The following ARHGAP26 variants were observed in gnomAD, a reference collection of about 807,000 sequenced individuals.
ARHGAP26 encodes the protein Rho GTPase activating protein 26, also known as rho GTPase-activating protein 26.
In ARHGAP26, 38 loss-of-function variants were observed where a neutral mutation model predicts 104.8. The ratio of observed to expected loss-of-function variants is 0.36; its 90% CI spans 0.28 to 0.48. The LOEUF (loss-of-function observed/expected upper bound fraction) is 0.48, where lower values mean the gene tolerates loss of function less well. Ranked by LOEUF, ARHGAP26 falls within the 20% of genes least tolerant of loss-of-function variation. The probability of loss-of-function intolerance (pLI) is 0.99; values close to 1 mark genes in which losing one functional copy is unlikely to be tolerated. For synonymous variants in ARHGAP26, 341 were observed against 340.0 expected (o/e 1.00, Z -0.03); for missense variants, 704 against 947.9 (o/e 0.74, Z 3.38).
At chr5:142,931,478 C>T (rs1764706885) in intron 10 of ARHGAP26, among the ~76,000 whole-genome samples, 1 of 152,172 alleles carries the variant, frequency 6.6e-6, no homozygotes, top group South Asian at 2.1e-4. Context: ...TAGCACCTGA[C>T]ATGATTAAGT....
chr5:143,014,401 G>A (rs1779310818), intron 12 of ARHGAP26: 1 of 463,932 alleles, frequency 2.2e-6, no homozygotes, highest in African/African-American at 2.0e-5. Context: ...TTAATCGTAG[G>A]TCTTAAGACT....
intron 1 of ARHGAP26, among the ~76,000 whole-genome samples, chr5:142,798,479 G>A (rs2151947732): frequency 6.6e-6 from 1 of 152,326 alleles, no homozygotes; most frequent in South Asian, 2.1e-4. Flanking sequence ...GCTGGGACCA[G>A]CATCAGAGAA....
At chr5:142,882,104 A>G (rs983303996) in intron 4 of ARHGAP26, among the ~76,000 whole-genome samples, 1 of 152,220 alleles carries the variant, frequency 6.6e-6, no homozygotes, top group Non-Finnish European at 1.5e-5. Flanking sequence ...TAGAATAAGT[A>G]TAACAGACAT....
chr5:142,847,584 G>T (rs144855613), intron 1 of ARHGAP26, among the ~76,000 whole-genome samples: 1 of 152,060 alleles, frequency 6.6e-6, no homozygotes, highest in African/African-American at 2.4e-5. Flanking sequence ...CTCAAACTCC[G>T]GACCTCAGGT....
intron 1 of ARHGAP26, among the ~76,000 whole-genome samples, chr5:142,797,109 T>C (rs1761130573): frequency 6.6e-6 from 1 of 152,226 alleles, no homozygotes; most frequent in Non-Finnish European, 1.5e-5. Flanking sequence ...TGTAAGTTTT[T>C]TGAGTAGCAT....
chr5:142,902,506 C>T (rs984251295), intron 7 of ARHGAP26, among the ~76,000 whole-genome samples: 15 of 152,346 alleles, frequency 9.8e-5, no homozygotes, highest in East Asian at 5.8e-4. Flanking sequence ...AATCCAAGTC[C>T]GTGCTTCGCT....
At chr5:143,009,845 T>C (rs921886721) in intron 11 of ARHGAP26, among the ~76,000 whole-genome samples, 1 of 152,188 alleles carries the variant, frequency 6.6e-6, no homozygotes, top group Non-Finnish European at 1.5e-5. Flanking sequence ...TCAGTTGGGT[T>C]GTTGAAGGTG....
chr5:142,886,446 C>T (rs143943050), intron 5 of ARHGAP26, among the ~76,000 whole-genome samples: 279 of 152,250 alleles, frequency 1.8e-3, no homozygotes, highest in African/African-American at 6.2e-3. Flanking sequence ...GTATTTAATC[C>T]AGTTTTTAGA....
chr5:143,131,481 T>C (rs1360020777), intron 18 of ARHGAP26, among the ~76,000 whole-genome samples: 5 of 152,222 alleles, frequency 3.3e-5, no homozygotes, highest in Admixed American at 6.5e-5. Flanking sequence ...TCGCTAACTC[T>C]GAATTCATTT....
At chr5:142,813,552 G>A (rs1764535475) in intron 1 of ARHGAP26, among the ~76,000 whole-genome samples, 1 of 152,186 alleles carries the variant, frequency 6.6e-6, no homozygotes, top group Admixed American at 6.5e-5. Context: ...ACAAAACTTG[G>A]TGTTCTCATA....
At chr5:142,883,512 A>T (rs901647988) in intron 4 of ARHGAP26, among the ~76,000 whole-genome samples, 3 of 152,252 alleles carry the variant, frequency 2.0e-5, no homozygotes, top group Non-Finnish European at 4.4e-5. Flanking sequence ...GGAAATGAGT[A>T]TGTGTCAGCT....
At position 143,029,392 on chromosome 5, in the gene ARHGAP26, G is replaced by GTTTTTTTTTTTTTTTTTTTTTTTTTT. The variant is rs536919888; in HGVS notation, c.1145-7799_1145-7774dup. Among the ~76,000 whole-genome samples, 6 of 80,812 alleles carry GTTTTTTTTTTTTTTTTTTTTTTTTTT rather than the reference G, an allele frequency of 7.4e-5. 2 individuals carry two copies. The highest frequency in any genetic ancestry group is 2.5e-5 in the Non-Finnish European group (1 of 40,684). The allele number at this position is 80,812 out of a possible 152,430, so 53.0% of individuals were successfully genotyped here. On this transcript the variant is annotated intron_variant, in intron 12 of 22. Transcript: ENST00000645722. Reference sequence around the variant, plus strand: ...CATGTTAGAAATCCTTTACTTCTCAGTTTTTTTTTTTTTTTTTTTTTTTTT... The same window carrying GTTTTTTTTTTTTTTTTTTTTTTTTTT: ...CATGTTAGAAATCCTTTACTTCTCAGTTTTTTTTTTTTTTTTTTTTTTTTTTTTTTTTTTTTTTTTTTTTTTTTTTT...
chr5:143,172,287 G>T (rs762869010), intron 20 of ARHGAP26, among the ~76,000 whole-genome samples: 6 of 151,924 alleles, frequency 3.9e-5, no homozygotes, highest in Non-Finnish European at 5.9e-5. Context: ...GGAATGTGAG[G>T]CTTGTTACTC....
intron 6 of ARHGAP26, among the ~76,000 whole-genome samples, chr5:142,900,090 G>C (rs1026809582): frequency 6.6e-6 from 1 of 152,242 alleles, no homozygotes; most frequent in Non-Finnish European, 1.5e-5. Context: ...GGCATTTGCA[G>C]ATAGCAGGGA....
Position 143,227,858 on chromosome 5 carries a change from GAAA to G in ARHGAP26, c.*5420_*5422del, listed in dbSNP as rs573709990. On this transcript the variant is annotated 3_prime_UTR_variant, in exon 23 of 23. Transcript: ENST00000645722. ...GGATAAATATTATGCTTACTGAGGA[GAAA>G]AAAAAAAGCGATCACAGAAAAATTT... The G allele has an allele frequency of 4.9e-6, 1 of 203,280 alleles. No homozygotes were observed. The highest frequency in any genetic ancestry group is 7.5e-5 in the East Asian group (1 of 13,268). 12.6% of individuals were successfully genotyped at this position (203,280 alleles called of 1,614,324 possible).
At chr5:142,856,619 C>T (rs150887382) in intron 1 of ARHGAP26, among the ~76,000 whole-genome samples, 79 of 152,246 alleles carry the variant, frequency 5.2e-4, no homozygotes, top group African/African-American at 1.8e-3. Flanking sequence ...CAGTCAACTG[C>T]GGATGGAGAA....
At position 143,201,784 on chromosome 5, in the gene ARHGAP26, G is replaced by A. The variant is rs943351136; in HGVS notation, c.1989-5414G>A. On this transcript the variant is annotated intron_variant, in intron 20 of 22. Transcript: ENST00000645722. Reference sequence around the variant, plus strand: ...TGTCTGTTTACAGTCCTTCTGTTGCGACATGCATCTTTGCAGTACATAAAA... The same window carrying A: ...TGTCTGTTTACAGTCCTTCTGTTGCAACATGCATCTTTGCAGTACATAAAA... Among the ~76,000 whole-genome samples the A allele has an allele frequency of 5.3e-5, 8 of 152,236 alleles. No individual in the cohort carries two copies. The South Asian group carries it at 1.2e-3, about 24-fold the overall frequency.
chr5:142,800,759 T>C (rs146433704), intron 1 of ARHGAP26, among the ~76,000 whole-genome samples: 3,956 of 152,338 alleles, frequency 0.026, 70 homozygotes, highest in Non-Finnish European at 0.039. Flanking sequence ...ACTATTCTCG[T>C]GAACCTGGCA....
In ARHGAP26 at chr5:142,771,238, C is replaced by G. The variant is rs1032903458; in HGVS notation, c.154+323C>G. 6.4e-6 allele frequency: 8 copies of G among 1,252,532 alleles called. No individual in the cohort carries two copies. The African/African-American group carries it at 1.1e-4, about 17-fold the overall frequency. The allele number at this position is 1,252,532 out of a possible 1,614,324, so 77.6% of individuals were successfully genotyped here. On this transcript the variant is annotated intron_variant, in intron 1 of 22. Transcript: ENST00000645722. ...CCAGCAGTGGGGCCAGAGTGCCGAG[C>G]GCGCCGCAGCCAGCGGGCAGATCCC... is the stretch of plus-strand genomic sequence containing the variant.
Sources: allele counts gnomAD v4.1 joint callset (sites outside exome capture counted in the v4.1 genomes callset), GRCh38; gene constraint gnomAD v4.1.1; transcripts MANE v1.5; gene names NCBI Gene and HGNC (gene_info 2026-07-23, HGNC 2026-07-21).